Variants in CLDN1 observed in about 807,000 individuals in gnomAD.
The protein encoded by CLDN1 is claudin-1.
CLDN1 carries 12 observed loss-of-function variants against 22.6 expected under a neutral mutation model. The observed-to-expected ratio is 0.53, with a 90% CI of 0.34 to 0.86. The LOEUF is 0.86. CLDN1 is among the 40% of genes least tolerant of loss of function. The pLI, the probability that CLDN1 is intolerant of heterozygous loss-of-function variation, is 0.02. For missense variants in CLDN1, 250 were observed against 269.5 expected, an observed-to-expected ratio of 0.93 and a Z score of 0.51; for synonymous variants, 99 against 103.8, an observed-to-expected ratio of 0.95 and a Z score of 0.28.
chr3:190,319,803 C>A (rs1414105387), intron 1 of CLDN1, among the ~76,000 whole-genome samples: 1 of 152,190 alleles, frequency 6.6e-6, no homozygotes, highest in Non-Finnish European at 1.5e-5. Flanking sequence ...GCCAATGAAT[C>A]ACCATCCCAG....
chr3:190,306,848 G>A lies in CLDN1; in HGVS notation c.*1429C>T, dbSNP rs1348282568. On this transcript the variant is annotated 3_prime_UTR_variant, in exon 4 of 4. Transcript: ENST00000295522. ...TGAGCCACATGAAGGTATGTGCGTAGGTTTTGTTCAGTGGAAATAGACTGG... is the reference window on the plus strand; with the variant it reads ...TGAGCCACATGAAGGTATGTGCGTAAGTTTTGTTCAGTGGAAATAGACTGG... 5 of 152,686 alleles carry A rather than the reference G, an allele frequency of 3.3e-5. No individual in the cohort carries two copies. The highest frequency in any genetic ancestry group is 1.2e-4 in the African/African-American group (5 of 41,438). 9.5% of individuals were successfully genotyped at this position (152,686 alleles called of 1,614,324 possible).
At position 190,322,140 on chromosome 3, in the gene CLDN1, C is replaced by G. The variant is rs895016415; in HGVS notation, c.67G>C (p.Val23Leu). 2 of 1,614,102 alleles carry G rather than the reference C, an allele frequency of 1.2e-6. No individual in the cohort carries two copies. Among genetic ancestry groups the G allele is most frequent in the Non-Finnish European group, 1.7e-6 (2 of 1,180,066 alleles). ...LAFLGWIGAI[V>L]STALPQWRIY... ...CTCCACTGGGGCAGGGCAGTGCTGA[C>G]GATGGCGCCGATCCATCCCAGGAAG... The change falls in exon 1 of 4, where the codon GTC (valine) becomes CTC (leucine). Residue 23 changes from valine (V) to leucine (L), a missense_variant. Val to Leu is a conservative substitution (Grantham distance 32, BLOSUM62 1). Transcript: ENST00000295522.
chr3:190,318,140 G>A (rs1423659287), intron 1 of CLDN1, among the ~76,000 whole-genome samples: 1 of 152,134 alleles, frequency 6.6e-6, no homozygotes, highest in East Asian at 1.9e-4. Context: ...ATGAGGTGAT[G>A]GTCACCAGAT....
At chr3:190,313,138 A>C (rs1370196396) in intron 1 of CLDN1, 102 bp from the exon 2 acceptor site, 1 of 1,366,026 alleles carries the variant, frequency 7.3e-7, no homozygotes, top group African/African-American at 1.4e-5. Context: ...AAGAGAGAAA[A>C]CTGGACTAGG....
chr3:190,316,018 C>T (rs1158404675), intron 1 of CLDN1, among the ~76,000 whole-genome samples: 1 of 152,190 alleles, frequency 6.6e-6, no homozygotes, highest in Non-Finnish European at 1.5e-5. Flanking sequence ...ACATTTGATT[C>T]GTGTCAAATC....
intron 1 of CLDN1, among the ~76,000 whole-genome samples, chr3:190,318,707 T>G (rs2108613654): frequency 6.6e-6 from 1 of 152,348 alleles, no homozygotes; most frequent in South Asian, 2.1e-4. Context: ...GAAGTATATC[T>G]GAACACCAAT....
intron 2 of CLDN1, among the ~76,000 whole-genome samples, chr3:190,312,485 A>G (rs1003512934): frequency 6.6e-6 from 1 of 152,154 alleles, no homozygotes; most frequent in African/African-American, 2.4e-5. Flanking sequence ...ACAGACCTGA[A>G]GGGTTCACAT....
chr3:190,322,150 G>A lies in CLDN1; in HGVS notation c.57C>T (p.Ile19=). The part of the protein sequence containing the change: ...LGFILAFLGW[I]GAIVSTALPQ... ...GCAGGGCAGTGCTGACGATGGCGCC[G>A]ATCCATCCCAGGAAGGCGAGAATGA... Residue 19 remains isoleucine, a synonymous_variant, in exon 1 of 4, where the codon ATC becomes ATT. Coordinates refer to ENST00000295522, the MANE Select transcript of CLDN1 (RefSeq NM_021101.5). The A allele has an allele frequency of 2.5e-6, 4 of 1,614,196 alleles. No individual in the cohort carries two copies. The highest frequency in any genetic ancestry group is 3.4e-6 in the Non-Finnish European group (4 of 1,180,052).
rs376618305 is a variant in CLDN1, at chr3:190,306,376, A to C, written c.*1901T>G. 5.3e-5 allele frequency: 8 copies of C among 152,230 alleles called. No homozygotes were observed. Among genetic ancestry groups the C allele is most frequent in the East Asian group, 1.9e-4 (1 of 5,202 alleles). The allele number at this position is 152,230 out of a possible 1,614,324, so 9.4% of individuals were successfully genotyped here. ...CTTGAGAGACTGGTTAAGGCAAGAAACCCATTTCTTAACATTTTTTTTGTT... is the reference window on the plus strand; with the variant it reads ...CTTGAGAGACTGGTTAAGGCAAGAACCCCATTTCTTAACATTTTTTTTGTT... On this transcript the variant is annotated 3_prime_UTR_variant, in exon 4 of 4. Coordinates refer to ENST00000295522, the MANE Select transcript of CLDN1 (RefSeq NM_021101.5).
At chr3:190,311,076 T>A (rs1716602818) in intron 2 of CLDN1, among the ~76,000 whole-genome samples, 1 of 152,224 alleles carries the variant, frequency 6.6e-6, no homozygotes. Flanking sequence ...CATGGTCCAA[T>A]GTAATTGCCT....
intron 2 of CLDN1, among the ~76,000 whole-genome samples, chr3:190,311,816 A>C (rs567666765): frequency 1.4e-4 from 21 of 151,824 alleles, no homozygotes; most frequent in Non-Finnish European, 2.8e-4. Flanking sequence ...TACATACACT[A>C]TAATTTTTTA....
At chr3:190,310,966 T>C (rs1306811226) in intron 2 of CLDN1, among the ~76,000 whole-genome samples, 1 of 152,204 alleles carries the variant, frequency 6.6e-6, no homozygotes, top group Non-Finnish European at 1.5e-5. Context: ...CTTCATTTTT[T>C]TATCAAAAAA....
chr3:190,315,929 T>C (rs950087152), intron 1 of CLDN1, among the ~76,000 whole-genome samples: 4 of 152,192 alleles, frequency 2.6e-5, no homozygotes, highest in Admixed American at 6.5e-5. Flanking sequence ...TCCAGGGCCC[T>C]TACTGCACCC....
intron 1 of CLDN1, among the ~76,000 whole-genome samples, chr3:190,313,897 C>T (rs539645557): frequency 6.6e-6 from 1 of 152,116 alleles, no homozygotes; most frequent in African/African-American, 2.4e-5. Context: ...AACTTGATGC[C>T]ATCATTGTGG....
chr3:190,310,683 A>G (rs1716591078), intron 2 of CLDN1, among the ~76,000 whole-genome samples: 2 of 152,172 alleles, frequency 1.3e-5, no homozygotes, highest in Admixed American at 6.5e-5. Context: ...CAAAATTTAC[A>G]TTTCTGCAGA....
At chr3:190,308,688 T>C (rs1422982449) in intron 3 of CLDN1, among the ~76,000 whole-genome samples, 1 of 152,142 alleles carries the variant, frequency 6.6e-6, no homozygotes, top group Non-Finnish European at 1.5e-5. Context: ...CACAAATAAT[T>C]CCAAGGACTT....
At chr3:190,319,670 C>A (rs1389583850) in intron 1 of CLDN1, among the ~76,000 whole-genome samples, 1 of 152,148 alleles carries the variant, frequency 6.6e-6, no homozygotes, top group Non-Finnish European at 1.5e-5. Context: ...TTCGGGAAAC[C>A]CACAGCTAAG....
chr3:190,312,058 G>T (rs1252965144), intron 2 of CLDN1, among the ~76,000 whole-genome samples: 1 of 151,638 alleles, frequency 6.6e-6, no homozygotes, highest in Admixed American at 6.6e-5. Context: ...AGCCTCTGGA[G>T]TATATGGGAT....
chr3:190,319,568 GA>G lies in CLDN1; in HGVS notation c.223+2415del, dbSNP rs3836454. ...TATGACCTACCCTACATAAAGCAGGGAAACAACAGATTTTAATACTTCCCGT... is the reference window on the plus strand; with the variant it reads ...TATGACCTACCCTACATAAAGCAGGGAACAACAGATTTTAATACTTCCCGT... On this transcript the variant is annotated intron_variant, in intron 1 of 3. Transcript: ENST00000295522. Among the ~76,000 whole-genome samples the G allele has an allele frequency of 1.7e-4, 26 of 152,272 alleles. No individual in the cohort carries two copies. In the East Asian group the frequency reaches 4.4e-3, roughly 26 times the overall value.
Sources: gnomAD v4.1 joint callset for allele counts (sites outside exome capture counted in the v4.1 genomes callset) on GRCh38, gnomAD v4.1.1 for gene constraint, MANE v1.5 for transcripts, NCBI Gene and HGNC (gene_info 2026-07-23, HGNC 2026-07-21) for gene names.